NR2F1-AS1: variants seen among roughly 807,000 people sequenced by gnomAD.
NR2F1-AS1 encodes NR2F1 regulatory antisense RNA 1.
chr5:93,485,333 A>G (rs1162656996), intron 4 of NR2F1-AS1, among the ~76,000 whole-genome samples: 1 of 152,218 alleles, frequency 6.6e-6, no homozygotes, highest in African/African-American at 2.4e-5. Flanking sequence ...ACTACATGAA[A>G]ACTGAACAAC....
chr5:93,465,428 A>G (rs1271393807), intron 4 of NR2F1-AS1, among the ~76,000 whole-genome samples: 1 of 152,180 alleles, frequency 6.6e-6, no homozygotes, highest in East Asian at 1.9e-4. Flanking sequence ...AGGAAACAAC[A>G]GATGCTGGAG....
intron 4 of NR2F1-AS1, among the ~76,000 whole-genome samples, chr5:93,500,464 C>T (rs906512420): frequency 2.7e-5 from 4 of 150,802 alleles, no homozygotes; most frequent in African/African-American, 9.8e-5. Context: ...ACCCATTGCT[C>T]AGGGGAAAAA....
intron 4 of NR2F1-AS1, among the ~76,000 whole-genome samples, chr5:93,457,473 C>T (rs1286520028): frequency 2.0e-5 from 3 of 152,164 alleles, no homozygotes; most frequent in Admixed American, 6.5e-5. Context: ...AACAGCATCT[C>T]GAGGCAAAAT....
At chr5:93,582,792 G>A (rs184637663), upstream of NR2F1-AS1, among the ~76,000 whole-genome samples, 238 of 152,254 alleles carry the variant, frequency 1.6e-3, 1 homozygote, top group African/African-American at 5.5e-3. Context: ...GTGTATGTGT[G>A]TGTGTGTGTG....
chr5:93,515,883 G>C (rs1436804952), intron 4 of NR2F1-AS1, among the ~76,000 whole-genome samples: 1 of 151,750 alleles, frequency 6.6e-6, no homozygotes, highest in Non-Finnish European at 1.5e-5. Flanking sequence ...ACTGAAAACA[G>C]AGTACATCCC....
intron 4 of NR2F1-AS1, among the ~76,000 whole-genome samples, chr5:93,476,627 C>A (rs1260475977): frequency 6.6e-6 from 1 of 152,162 alleles, no homozygotes; most frequent in Non-Finnish European, 1.5e-5. Context: ...ATATCCCATA[C>A]ATCAGCTGCT....
intron 4 of NR2F1-AS1, among the ~76,000 whole-genome samples, chr5:93,501,077 A>G (rs1237540172): frequency 6.6e-6 from 1 of 152,214 alleles, no homozygotes; most frequent in East Asian, 1.9e-4. Context: ...AGATCAAAAT[A>G]TCAACATGAG....
At chr5:93,429,409 A>G (rs961645933) in intron 4 of NR2F1-AS1, among the ~76,000 whole-genome samples, 5 of 152,226 alleles carry the variant, frequency 3.3e-5, no homozygotes, top group Admixed American at 2.6e-4. Context: ...AGCTTACAAA[A>G]TATCCCTTAC....
intron 1 of NR2F1-AS1, among the ~76,000 whole-genome samples, chr5:93,575,202 TG>T (rs1370798259): frequency 6.6e-6 from 1 of 152,236 alleles, no homozygotes; most frequent in African/African-American, 2.4e-5. Context: ...TAGAAGAACA[TG>T]GGGTGGGGGG....
intron 2 of NR2F1-AS1, among the ~76,000 whole-genome samples, chr5:93,561,309 T>C (rs565509272): frequency 2.0e-4 from 30 of 152,146 alleles, no homozygotes; most frequent in Non-Finnish European, 4.3e-4. Context: ...TTGGAAAATA[T>C]ATCAACAACC....
intron 4 of NR2F1-AS1, among the ~76,000 whole-genome samples, chr5:93,527,435 G>A (rs1326475965): frequency 6.6e-6 from 1 of 152,106 alleles, no homozygotes; most frequent in Non-Finnish European, 1.5e-5. Flanking sequence ...GTAGTTTATA[G>A]ATTTAATGCT....
chr5:93,489,040 T>C (rs1051068259), intron 4 of NR2F1-AS1, among the ~76,000 whole-genome samples: 81 of 150,694 alleles, frequency 5.4e-4, no homozygotes, highest in African/African-American at 1.7e-3. Flanking sequence ...TAAGTGGGAG[T>C]TGAACAATGA....
chr5:93,462,617 A>G (rs1750121100), intron 4 of NR2F1-AS1, among the ~76,000 whole-genome samples: 1 of 152,190 alleles, frequency 6.6e-6, no homozygotes, highest in South Asian at 2.1e-4. Context: ...AAATGTGGAA[A>G]AGTTTGAAAC....
In NR2F1-AS1 at chr5:93,579,667, C is replaced by G. The variant is rs1752974515; in HGVS notation, n.313+800G>C. Among the ~76,000 whole-genome samples, 1 of 151,952 alleles carries G rather than the reference C, an allele frequency of 6.6e-6. No individual in the cohort carries two copies. Among genetic ancestry groups the G allele is most frequent in the South Asian group, 2.1e-4 (1 of 4,810 alleles). On this transcript the variant is annotated intron_variant and non_coding_transcript_variant, in intron 1 of 5. Coordinates refer to ENST00000660523, the Ensembl canonical transcript of NR2F1-AS1. The surrounding 1 kb of genome is among the most constrained non-coding windows in gnomAD (Gnocchi z 5.1). ...GCGCCCTCTGACGCAAACGCACGCC[C>G]CTGCCCCGCACGGAGGAAAGCGCTC...
intron 1 of NR2F1-AS1, among the ~76,000 whole-genome samples, chr5:93,566,638 T>C (rs1348075202): frequency 6.6e-6 from 1 of 152,050 alleles, no homozygotes; most frequent in East Asian, 1.9e-4. Flanking sequence ...TTTTTTTAAG[T>C]ACCAGTATAA....
intron 4 of NR2F1-AS1, among the ~76,000 whole-genome samples, chr5:93,419,119 G>C (rs1749031694): frequency 6.6e-6 from 1 of 152,182 alleles, no homozygotes; most frequent in South Asian, 2.1e-4. Context: ...ATGGCCAACA[G>C]TTGAAGGATG....
intron 1 of NR2F1-AS1, among the ~76,000 whole-genome samples, chr5:93,569,018 T>C (rs977419292): frequency 1.1e-4 from 16 of 152,180 alleles, no homozygotes; most frequent in Non-Finnish European, 4.4e-5. Flanking sequence ...AGTTGCAGGA[T>C]AGCCTTGTAG....
chr5:93,466,443 T>C (rs1043629708), intron 4 of NR2F1-AS1, among the ~76,000 whole-genome samples: 3 of 152,014 alleles, frequency 2.0e-5, no homozygotes, highest in African/African-American at 4.8e-5. Flanking sequence ...TTCAAGAGAT[T>C]GTCCTGCCTC....
chr5:93,539,914 GAGAC>G (rs1384913299), intron 4 of NR2F1-AS1, among the ~76,000 whole-genome samples: 1 of 151,908 alleles, frequency 6.6e-6, no homozygotes, highest in Non-Finnish European at 1.5e-5. Flanking sequence ...AACTAAATAA[GAGAC>G]AGAAAGGAAT....
Sources: gnomAD v4.1 joint callset for allele counts (sites outside exome capture counted in the v4.1 genomes callset) on GRCh38, gnomAD v4.1.1 for gene constraint, Gnocchi (gnomAD v3.1) non-coding constraint, MANE v1.5 for transcripts, NCBI Gene and HGNC (gene_info 2026-07-23, HGNC 2026-07-21) for gene names.